RPL26L1: variants seen among roughly 807,000 people sequenced by gnomAD.
RPL26L1 encodes ribosomal protein uL24-like.
In RPL26L1, 8 loss-of-function variants were observed where a neutral mutation model predicts 15.2. That is an observed-to-expected ratio of 0.53 (90% CI 0.31 to 0.95). The LOEUF (loss-of-function observed/expected upper bound fraction) is 0.95. Among genes scored for constraint, RPL26L1 ranks in the 40% least tolerant of loss-of-function variants. The pLI is 0.05. For missense variants in RPL26L1, 146 were observed against 190.9 expected (o/e 0.76, Z 1.39); for synonymous variants, 51 against 65.9 (o/e 0.77, Z 1.09).
chr5:172,967,672 C>T (rs1040909369), intron 2 of RPL26L1, among the ~76,000 whole-genome samples: 1 of 151,800 alleles, frequency 6.6e-6, no homozygotes, highest in African/African-American at 2.4e-5. Context: ...AATCCTGCTT[C>T]CTGCCTAATG....
Position 172,959,802 on chromosome 5 carries a change from C to A in RPL26L1, c.-9-63C>A, listed in dbSNP as rs1755149202. On this transcript the variant is annotated intron_variant, in intron 1 of 3. Coordinates refer to ENST00000265100, the MANE Select transcript of RPL26L1 (RefSeq NM_016093.4). Reference sequence around the variant, plus strand: ...TTGGGGGATGAGGAGTGTCTTGGGTCGAGAACAGGCCCCTGTAACCCACTG... The same window carrying A: ...TTGGGGGATGAGGAGTGTCTTGGGTAGAGAACAGGCCCCTGTAACCCACTG... 5.8e-6 allele frequency: 9 copies of A among 1,547,922 alleles called. No individual in the cohort carries two copies. In the South Asian group the frequency reaches 9.0e-5, roughly 16 times the overall value.
At chr5:172,955,124 G>A (rs1314212044), upstream of RPL26L1, 14 of 343,246 alleles carry the variant, frequency 4.1e-5, no homozygotes, top group Non-Finnish European at 7.3e-5. Flanking sequence ...TAGTAGCTGT[G>A]GTTAGTTTTT....
At chr5:172,967,803 T>C (rs1026884051) in intron 2 of RPL26L1, among the ~76,000 whole-genome samples, 8 of 151,516 alleles carry the variant, frequency 5.3e-5, no homozygotes, top group African/African-American at 1.9e-4. Flanking sequence ...TATATGTATA[T>C]ATGACATATA....
upstream of RPL26L1, chr5:172,955,591 G>GT (rs1561751912): frequency 6.5e-6 from 1 of 153,968 alleles, no homozygotes; most frequent in African/African-American, 2.4e-5. Context: ...GTCCAGGAAC[G>GT]TGAGTGGGGA....
intron 2 of RPL26L1, among the ~76,000 whole-genome samples, chr5:172,966,147 A>T (rs7733135): frequency 0.11 from 16,031 of 150,890 alleles, 1,089 homozygotes; most frequent in African/African-American, 0.19. Flanking sequence ...TTAATTTTTT[A>T]TTTTATTTTA....
chr5:172,955,136 T>G (rs1415035002), upstream of RPL26L1: 7 of 352,532 alleles, frequency 2.0e-5, no homozygotes, highest in Admixed American at 1.1e-4. Context: ...TTAGTTTTTT[T>G]TTTTTTTTTT....
chr5:172,965,494 G>C (rs1290362576), intron 2 of RPL26L1, among the ~76,000 whole-genome samples: 1 of 151,984 alleles, frequency 6.6e-6, no homozygotes, highest in African/African-American at 2.4e-5. Context: ...TTCTCACCTG[G>C]TACACTCATC....
intron 2 of RPL26L1, among the ~76,000 whole-genome samples, chr5:172,966,771 C>T (rs1015410889): frequency 2.6e-5 from 4 of 151,944 alleles, no homozygotes; most frequent in African/African-American, 7.3e-5. Context: ...ACAAGCTATA[C>T]GTAGACATTT....
At chr5:172,957,381 TTGA>T, upstream of RPL26L1, 1 of 407,700 alleles carries the variant, frequency 2.5e-6, no homozygotes, top group South Asian at 1.8e-5. Flanking sequence ...TGGATACTCC[TTGA>T]TGATCTTGGG....
chr5:172,967,869 A>G (rs974646956), intron 2 of RPL26L1, among the ~76,000 whole-genome samples: 1 of 151,702 alleles, frequency 6.6e-6, no homozygotes, highest in Non-Finnish European at 1.5e-5. Flanking sequence ...ACATATGTGT[A>G]TGTATATGAT....
At chr5:172,965,474 C>T (rs1343844903) in intron 2 of RPL26L1, among the ~76,000 whole-genome samples, 1 of 152,202 alleles carries the variant, frequency 6.6e-6, no homozygotes, top group Admixed American at 6.5e-5. Context: ...TGTCTTTTCT[C>T]ACCTTCACCT....
At chr5:172,968,015 C>T (rs1755535150) in intron 2 of RPL26L1, among the ~76,000 whole-genome samples, 2 of 151,980 alleles carry the variant, frequency 1.3e-5, no homozygotes, top group Admixed American at 1.3e-4. Context: ...ACTTTGTCAA[C>T]GTGATGGTCA....
chr5:172,963,654 C>A (rs559591210), intron 2 of RPL26L1, among the ~76,000 whole-genome samples: 1 of 152,190 alleles, frequency 6.6e-6, no homozygotes, highest in African/African-American at 2.4e-5. Flanking sequence ...GATCCTTTAA[C>A]CAATATTATA....
chr5:172,955,238 C>T, upstream of RPL26L1: 1 of 334,412 alleles, frequency 3.0e-6, no homozygotes, highest in Non-Finnish European at 5.9e-6. Context: ...AAGCAGTTCT[C>T]CTGTTTCAGC....
Position 172,968,280 on chromosome 5 carries a change from T to G in RPL26L1, c.169-179T>G, listed in dbSNP as rs547535414. ...TTCTGTGGGATCCAGGTAAAAAATC[T>G]CCACCCAACCATAGCACAACACAGA... On this transcript the variant is annotated intron_variant, in intron 2 of 3. Transcript: ENST00000265100. Among the ~76,000 whole-genome samples the G allele has an allele frequency of 5.9e-5, 9 of 152,274 alleles. No homozygotes were observed. In the East Asian group the frequency reaches 1.5e-3, roughly 26 times the overall value.
upstream of RPL26L1, chr5:172,954,985 G>T (rs925702161): frequency 4.4e-6 from 2 of 456,102 alleles, no homozygotes; most frequent in Non-Finnish European, 4.4e-6. Context: ...CGGAAGAGGC[G>T]TCTCTGGAGA....
chr5:172,963,933 A>G (rs1222805325), intron 2 of RPL26L1, among the ~76,000 whole-genome samples: 1 of 152,190 alleles, frequency 6.6e-6, no homozygotes, highest in East Asian at 1.9e-4. Flanking sequence ...GCTAAGCTCC[A>G]TGAAACCAGA....
intron 2 of RPL26L1, among the ~76,000 whole-genome samples, chr5:172,966,606 A>AGTGTGTAT (rs973626570): frequency 6.8e-6 from 1 of 147,486 alleles, no homozygotes; most frequent in African/African-American, 2.5e-5. Flanking sequence ...TCTTAAAAAA[A>AGTGTGTAT]GTGTGTATGT....
upstream of RPL26L1, chr5:172,958,551 C>T (rs528441642): frequency 2.3e-5 from 9 of 388,800 alleles, no homozygotes; most frequent in African/African-American, 1.2e-4. Flanking sequence ...GAGTCGAGAC[C>T]CAGAGCCCTT....
Sources: gnomAD v4.1 joint callset for allele counts (sites outside exome capture counted in the v4.1 genomes callset) on GRCh38, gnomAD v4.1.1 for gene constraint, MANE v1.5 for transcripts, NCBI Gene and HGNC (gene_info 2026-07-23, HGNC 2026-07-21) for gene names.